Variants in STXBP6 observed in about 807,000 individuals in gnomAD.
STXBP6 encodes the protein syntaxin binding protein 6, also known as syntaxin-binding protein 6.
Under a neutral mutation model 26.9 loss-of-function variants are expected in STXBP6, and 21 were observed. The ratio of observed to expected loss-of-function variants is 0.78; its 90% CI spans 0.55 to 1.12. The LOEUF is 1.12. STXBP6 is among the 50% of genes most tolerant of loss of function. STXBP6 has a pLI of 0.00. For missense variants in STXBP6, 232 were observed against 257.9 expected (o/e 0.90, Z 0.69); for synonymous variants, 97 against 92.6 (o/e 1.05, Z -0.27).
At chr14:25,020,916 C>A (rs950587513) in intron 1 of STXBP6, among the ~76,000 whole-genome samples, 1 of 152,176 alleles carries the variant, frequency 6.6e-6, no homozygotes, top group Admixed American at 6.5e-5. Flanking sequence ...CAACTGTGCA[C>A]CTGGACACTG....
At chr14:24,910,203 C>G (rs1451527082) in intron 2 of STXBP6, among the ~76,000 whole-genome samples, 1 of 152,162 alleles carries the variant, frequency 6.6e-6, no homozygotes, top group Non-Finnish European at 1.5e-5. Flanking sequence ...GCTCACATGG[C>G]CCCATGTTAG....
chr14:24,999,438 A>G (rs1311880165), intron 1 of STXBP6, among the ~76,000 whole-genome samples: 1 of 152,208 alleles, frequency 6.6e-6, no homozygotes, highest in Non-Finnish European at 1.5e-5. Flanking sequence ...AACCAACAAC[A>G]TGTATTGATT....
chr14:24,824,497 A>C (rs2068228438), intron 4 of STXBP6, among the ~76,000 whole-genome samples: 2 of 152,216 alleles, frequency 1.3e-5, no homozygotes, highest in African/African-American at 2.4e-5. Context: ...GTTGGCTCTT[A>C]ATCCACAAAG....
In STXBP6 at chr14:24,956,009, G is replaced by T. The variant is rs537730582; in HGVS notation, c.154+18656C>A. Among the ~76,000 whole-genome samples the T allele has an allele frequency of 2.6e-5, 4 of 152,226 alleles. No homozygotes were observed. The East Asian group carries it at 5.8e-4, about 22-fold the overall frequency. On this transcript the variant is annotated intron_variant, in intron 2 of 5. Transcript: ENST00000323944. ...CTCAAACTGAAGTCTGTTGGATTTT[G>T]AAACCCACACCCTTTTCTCCACTGC...
chr14:25,027,934 C>T lies in STXBP6; in HGVS notation c.-33+21944G>A, dbSNP rs536805674. ...GCATTCCCTTAAGCCAAAGCCTAATCCAGAGAAAGGCTCTAACTCTCTTCA... is the reference window on the plus strand; with the variant it reads ...GCATTCCCTTAAGCCAAAGCCTAATTCAGAGAAAGGCTCTAACTCTCTTCA... On this transcript the variant is annotated intron_variant, in intron 1 of 5. Coordinates refer to ENST00000323944, the MANE Select transcript of STXBP6 (RefSeq NM_001394410.1). Among the ~76,000 whole-genome samples the T allele has an allele frequency of 3.9e-5, 6 of 152,310 alleles. No individual in the cohort carries two copies. In the South Asian group the frequency reaches 1.2e-3, roughly 32 times the overall value.
chr14:24,844,085 A>C (rs532080232), intron 4 of STXBP6, among the ~76,000 whole-genome samples: 4 of 152,154 alleles, frequency 2.6e-5, no homozygotes, highest in Non-Finnish European at 5.9e-5. Context: ...GACTTAATCA[A>C]TCATAATTAG....
At chr14:24,968,618 G>A (rs949882765) in intron 2 of STXBP6, among the ~76,000 whole-genome samples, 2 of 151,990 alleles carry the variant, frequency 1.3e-5, no homozygotes, top group East Asian at 3.9e-4. Context: ...TTCTCTACAT[G>A]ACATACATGA....
intron 2 of STXBP6, among the ~76,000 whole-genome samples, chr14:24,958,304 T>A (rs2073408844): frequency 6.6e-6 from 1 of 152,196 alleles, no homozygotes; most frequent in Admixed American, 6.5e-5. Flanking sequence ...ATCCAATTCC[T>A]ACCTCGAGGC....
At chr14:24,997,343 T>A (rs1182626527) in intron 1 of STXBP6, among the ~76,000 whole-genome samples, 1 of 152,158 alleles carries the variant, frequency 6.6e-6, no homozygotes, top group Non-Finnish European at 1.5e-5. Context: ...TATTCAACCA[T>A]CAAATACCAA....
chr14:24,852,900 C>A (rs577088946), intron 4 of STXBP6, among the ~76,000 whole-genome samples: 4 of 152,126 alleles, frequency 2.6e-5, no homozygotes, highest in Admixed American at 6.6e-5. Flanking sequence ...CCTGCCCTGG[C>A]ATCTTATCTT....
At chr14:24,836,883 C>A (rs1478072533) in intron 4 of STXBP6, among the ~76,000 whole-genome samples, 1 of 152,066 alleles carries the variant, frequency 6.6e-6, no homozygotes, top group Non-Finnish European at 1.5e-5. Context: ...AAAGCCTTAC[C>A]TTATATGCCT....
intron 2 of STXBP6, among the ~76,000 whole-genome samples, chr14:24,953,028 A>G (rs912989188): frequency 2.0e-5 from 3 of 152,164 alleles, no homozygotes; most frequent in African/African-American, 7.2e-5. Flanking sequence ...TACTTTCTAC[A>G]GCATTCCTTT....
chr14:24,932,525 A>T lies in STXBP6; in HGVS notation c.154+42140T>A, dbSNP rs76614686. Among the ~76,000 whole-genome samples, 787 of 152,258 alleles carry T rather than the reference A, an allele frequency of 5.2e-3. 6 individuals carry two copies. Among genetic ancestry groups the T allele is most frequent in the African/African-American group, 0.018 (756 of 41,540 alleles). ...ATAGAGTGAGATCCTGTCTCTAAAA[A>T]AAATAAATAAATAAAATAAAAATAT... On this transcript the variant is annotated intron_variant, in intron 2 of 5. Coordinates refer to ENST00000323944, the MANE Select transcript of STXBP6 (RefSeq NM_001394410.1).
At chr14:25,037,653 T>C (rs2075577108) in intron 1 of STXBP6, among the ~76,000 whole-genome samples, 1 of 152,230 alleles carries the variant, frequency 6.6e-6, no homozygotes, top group South Asian at 2.1e-4. Flanking sequence ...AGTCTTGCTA[T>C]TTCCCAAAAT....
intron 2 of STXBP6, among the ~76,000 whole-genome samples, chr14:24,945,558 A>G (rs1292939928): frequency 6.6e-6 from 1 of 152,012 alleles, no homozygotes; most frequent in Non-Finnish European, 1.5e-5. Context: ...TGACAGAGGG[A>G]GACCCTGTCT....
chr14:24,816,348 T>C (rs1232610714), intron 5 of STXBP6: 1 of 152,248 alleles, frequency 6.6e-6, no homozygotes, highest in East Asian at 1.9e-4. Context: ...GGTCAGCCTA[T>C]GCTAGCAGGT....
At chr14:24,827,644 A>C (rs2068326883) in intron 4 of STXBP6, among the ~76,000 whole-genome samples, 1 of 152,162 alleles carries the variant, frequency 6.6e-6, no homozygotes, top group Non-Finnish European at 1.5e-5. Context: ...CCCCTATGGT[A>C]CTTTAAGTTC....
intron 4 of STXBP6, among the ~76,000 whole-genome samples, chr14:24,847,542 A>G (rs895127659): frequency 5.3e-5 from 8 of 152,190 alleles, no homozygotes; most frequent in African/African-American, 1.7e-4. Flanking sequence ...AAAAACTTTC[A>G]TATGTCTGTA....
At chr14:25,014,984 C>T (rs886096811) in intron 1 of STXBP6, among the ~76,000 whole-genome samples, 2 of 152,136 alleles carry the variant, frequency 1.3e-5, no homozygotes, top group African/African-American at 4.8e-5. Flanking sequence ...ACTTTTAAAT[C>T]ACTTATATCA....
Sources: allele counts gnomAD v4.1 joint callset (sites outside exome capture counted in the v4.1 genomes callset), GRCh38; gene constraint gnomAD v4.1.1; transcripts MANE v1.5; gene names NCBI Gene and HGNC (gene_info 2026-07-23, HGNC 2026-07-21).